SEM1: variants seen among roughly 807,000 people sequenced by gnomAD.
SEM1 encodes the protein 26S proteasome complex subunit SEM1.
A neutral mutation model predicts 12.7 loss-of-function variants in SEM1; 3 were observed. The ratio of observed to expected loss-of-function variants is 0.24; its 90% CI spans 0.11 to 0.61. The LOEUF is 0.61. Ranked by LOEUF, SEM1 falls within the 20% of genes least tolerant of loss-of-function variation. SEM1 has a pLI of 0.88. For synonymous variants in SEM1, 30 were observed against 27.8 expected, an observed-to-expected ratio of 1.08 and a Z score of -0.25; for missense variants, 59 against 81.3, an observed-to-expected ratio of 0.73 and a Z score of 1.06.
chr7:96,516,953 A>G (rs1306783785), intron 2 of SEM1, among the ~76,000 whole-genome samples: 1 of 152,200 alleles, frequency 6.6e-6, no homozygotes, highest in Admixed American at 6.5e-5. Context: ...GCATATTTCC[A>G]GTGAAAGAAG....
At chr7:96,517,086 A>AT in intron 2 of SEM1, among the ~76,000 whole-genome samples, 1 of 152,304 alleles carries the variant, frequency 6.6e-6, no homozygotes, top group East Asian at 1.9e-4. Context: ...AGAGACAAAT[A>AT]GGTGGAGCAT....
At chr7:96,524,930 A>G (rs1804402543) in intron 2 of SEM1, among the ~76,000 whole-genome samples, 1 of 152,164 alleles carries the variant, frequency 6.6e-6, no homozygotes, top group African/African-American at 2.4e-5. Flanking sequence ...TTCCATATCC[A>G]TTTCAATTAA....
rs1789223880 is a variant in SEM1 at position 96,668,339 on chromosome 7, ACTC to A, written c.170+26456_170+26458del. On this transcript the variant is annotated intron_variant, in intron 2 of 2. Coordinates refer to the SEM1 transcript ENST00000417009. ...GCCACATAATGTAGATTATGAACAC[ACTC>A]CTGTTTTTTAGAATGGTTAGCTGAC... Among the ~76,000 whole-genome samples the A allele has an allele frequency of 2.0e-5, 3 of 152,058 alleles. No individual in the cohort carries two copies. The South Asian group carries it at 6.2e-4, about 31-fold the overall frequency.
rs116319230 is a variant in SEM1 at position 96,519,272 on chromosome 7, T to C, written c.171-12574A>G. Among the ~76,000 whole-genome samples the C allele has an allele frequency of 3.8e-3, 579 of 152,252 alleles. 6 individuals carry two copies. Among genetic ancestry groups the C allele is most frequent in the African/African-American group, 0.013 (544 of 41,558 alleles). On this transcript the variant is annotated intron_variant and NMD_transcript_variant, in intron 2 of 3. Coordinates refer to the SEM1 transcript ENST00000466986. ...TCATTGATTCAACAAAACTATTTTTTTTGAGCACTTTCTATCTGCCAGGCG... is the reference window on the plus strand; with the variant it reads ...TCATTGATTCAACAAAACTATTTTTCTTGAGCACTTTCTATCTGCCAGGCG...
intron 2 of SEM1, among the ~76,000 whole-genome samples, chr7:96,562,217 A>G (rs904276296): frequency 6.6e-6 from 1 of 152,232 alleles, no homozygotes. Flanking sequence ...TTAATTTGTT[A>G]AAACAAGGCA....
In SEM1 at chr7:96,528,610, A is replaced by G. The variant is rs191726037; in HGVS notation, c.171-21912T>C. On this transcript the variant is annotated intron_variant and NMD_transcript_variant, in intron 2 of 3. Transcript: ENST00000466986. Reference sequence around the variant, plus strand: ...ACAACCTACAAAATTTGTGCAAGACACTTTCTAAATCTGGGATAAAACAAT... The same window carrying G: ...ACAACCTACAAAATTTGTGCAAGACGCTTTCTAAATCTGGGATAAAACAAT... Among the ~76,000 whole-genome samples, 144 of 152,256 alleles carry G rather than the reference A, an allele frequency of 9.5e-4. 1 individual carries two copies. The highest frequency in any genetic ancestry group is 6.2e-4 in the South Asian group (3 of 4,830).
intron 2 of SEM1, among the ~76,000 whole-genome samples, chr7:96,638,357 T>A (rs1808492275): frequency 6.6e-6 from 1 of 152,054 alleles, no homozygotes; most frequent in South Asian, 2.1e-4. Context: ...CAAAGGATAC[T>A]CTATGAATGT....
chr7:96,541,443 G>GTTTTTTTTTTT (rs61049763), intron 2 of SEM1, among the ~76,000 whole-genome samples: 57 of 102,308 alleles, frequency 5.6e-4, no homozygotes, highest in East Asian at 1.3e-3. Flanking sequence ...TTTTTTTTTT[G>GTTTTTTTTTTT]TTTTTTTTTT....
At chr7:96,639,067 T>C (rs952176031) in intron 2 of SEM1, among the ~76,000 whole-genome samples, 1 of 152,010 alleles carries the variant, frequency 6.6e-6, no homozygotes, top group African/African-American at 2.4e-5. Flanking sequence ...AACAATGTGT[T>C]TGTAATTGCT....
intron 2 of SEM1, among the ~76,000 whole-genome samples, chr7:96,659,095 C>A (rs1809281542): frequency 6.6e-6 from 1 of 152,018 alleles, no homozygotes; most frequent in Non-Finnish European, 1.5e-5. Flanking sequence ...TGGGGAAAGC[C>A]AGCGTGCAAA....
Position 96,701,167 on chromosome 7 carries a change from C to G in SEM1, c.77-6276G>C, listed in dbSNP as rs560835258. 7.2e-5 allele frequency among the ~76,000 whole-genome samples: 11 copies of G among 152,186 alleles called. No homozygotes were observed. The East Asian group carries it at 1.9e-3, about 27-fold the overall frequency. ...AGAGAAAAAAGGAGACTAATGTTTA[C>G]TGAATACCAACTTTGTGCCAGACTC... On this transcript the variant is annotated intron_variant, in intron 1 of 2. Coordinates refer to ENST00000248566, the MANE Select transcript of SEM1 (RefSeq NM_006304.2).
At chr7:96,515,778 A>G (rs1804075452) in intron 2 of SEM1, among the ~76,000 whole-genome samples, 2 of 152,206 alleles carry the variant, frequency 1.3e-5, no homozygotes, top group South Asian at 4.1e-4. Context: ...TCACAAGGAC[A>G]GAAAACCAAA....
At chr7:96,557,039 C>T (rs1386650520) in intron 2 of SEM1, among the ~76,000 whole-genome samples, 2 of 148,090 alleles carry the variant, frequency 1.4e-5, no homozygotes, top group East Asian at 4.1e-4. Context: ...TTTTCAGCTC[C>T]ATCAGCTCCT....
intron 2 of SEM1, among the ~76,000 whole-genome samples, chr7:96,541,936 C>T (rs553296224): frequency 9.8e-4 from 130 of 132,438 alleles, no homozygotes; most frequent in Non-Finnish European, 1.8e-3. Context: ...TTTCATTGGC[C>T]TATGTGTCTT....
chr7:96,619,270 A>AGTAT (rs1288152265), downstream of SEM1, among the ~76,000 whole-genome samples: 2 of 151,992 alleles, frequency 1.3e-5, no homozygotes, highest in African/African-American at 2.4e-5. Context: ...TTTTTTCCTG[A>AGTAT]GTATGTATGT....
At chr7:96,598,928 G>T (rs1331427204) in intron 2 of SEM1, among the ~76,000 whole-genome samples, 2 of 152,110 alleles carry the variant, frequency 1.3e-5, no homozygotes, top group Non-Finnish European at 2.9e-5. Flanking sequence ...AAAATTGCAC[G>T]AGGTTTGTGG....
chr7:96,691,306 T>C (rs1013032070), intron 2 of SEM1, among the ~76,000 whole-genome samples: 1 of 152,164 alleles, frequency 6.6e-6, no homozygotes, highest in Admixed American at 6.5e-5. Flanking sequence ...TGGACAGTTT[T>C]TATTTAACAC....
intron 2 of SEM1, among the ~76,000 whole-genome samples, chr7:96,555,294 T>A (rs1049512253): frequency 2.6e-5 from 4 of 152,120 alleles, no homozygotes; most frequent in Non-Finnish European, 5.9e-5. Context: ...AGGGTGTCAA[T>A]TTGGATCTTT....
intron 2 of SEM1, among the ~76,000 whole-genome samples, chr7:96,677,564 A>T (rs1057087270): frequency 6.6e-6 from 1 of 152,190 alleles, no homozygotes; most frequent in Non-Finnish European, 1.5e-5. Context: ...AGGAAGTGAG[A>T]GAGTTATTAG....
Sources: allele counts gnomAD v4.1 joint callset (sites outside exome capture counted in the v4.1 genomes callset), GRCh38; gene constraint gnomAD v4.1.1; transcripts MANE v1.5; gene names NCBI Gene and HGNC (gene_info 2026-07-23, HGNC 2026-07-21).